The following FOXP2 variants were observed in gnomAD, a reference collection of about 807,000 sequenced individuals.
The protein encoded by FOXP2 is forkhead box P2, also known as forkhead box protein P2.
A neutral mutation model predicts 115.8 loss-of-function variants in FOXP2; 12 were observed. The observed-to-expected ratio is 0.10, with a 90% CI of 0.07 to 0.17. The LOEUF (loss-of-function observed/expected upper bound fraction) is 0.17, where lower values mean the gene tolerates loss of function less well. FOXP2 is among the 10% of genes least tolerant of loss of function. The probability of loss-of-function intolerance (pLI) is 1.00; values close to 1 mark genes in which losing one functional copy is unlikely to be tolerated. For missense variants in FOXP2, 629 were observed against 843.5 expected, an observed-to-expected ratio of 0.75 and a Z score of 3.15; for synonymous variants, 328 against 297.7, an observed-to-expected ratio of 1.10 and a Z score of -1.05.
At chr7:114,390,622 C>T (rs1792571410) in intron 2 of FOXP2, among the ~76,000 whole-genome samples, 1 of 152,022 alleles carries the variant, frequency 6.6e-6, no homozygotes, top group African/African-American at 2.4e-5. Context: ...GGCATGATCA[C>T]TGCTCACTGG....
intron 3 of FOXP2, among the ~76,000 whole-genome samples, chr7:114,586,540 A>G (rs983846480): frequency 9.2e-5 from 14 of 152,094 alleles, no homozygotes; most frequent in Admixed American, 2.6e-4. Flanking sequence ...CAATATTTGC[A>G]TCTTATATAT....
chr7:114,128,492 T>TA (rs1000091316), intron 1 of FOXP2, among the ~76,000 whole-genome samples: 2 of 152,044 alleles, frequency 1.3e-5, no homozygotes, highest in Non-Finnish European at 2.9e-5. Flanking sequence ...TGGCCTTTCT[T>TA]ACATTTTTCA....
At chr7:114,093,971 G>A (rs1799593513) in intron 1 of FOXP2, among the ~76,000 whole-genome samples, 1 of 152,102 alleles carries the variant, frequency 6.6e-6, no homozygotes, top group Non-Finnish European at 1.5e-5. Context: ...TTAAGTGTAT[G>A]TAAATATTTC....
chr7:114,629,708 TG>T, intron 4 of FOXP2, 96 bp from the exon 5 acceptor site: 1 of 1,602,820 alleles, frequency 6.2e-7, no homozygotes. Flanking sequence ...TGAATCTTAA[TG>T]GATACTCTGC....
At chr7:114,311,564 G>C (rs1360376670) in intron 2 of FOXP2, among the ~76,000 whole-genome samples, 1 of 152,126 alleles carries the variant, frequency 6.6e-6, no homozygotes, top group East Asian at 1.9e-4. Flanking sequence ...ACGCCATTTA[G>C]TTATATTCTG....
intron 2 of FOXP2, among the ~76,000 whole-genome samples, chr7:114,441,319 G>T (rs544138532): frequency 9.2e-5 from 14 of 152,158 alleles, no homozygotes; most frequent in African/African-American, 2.6e-4. Context: ...GGGCCTGGTG[G>T]TGCATGCCTG....
At chr7:114,437,474 C>A (rs971113073) in intron 2 of FOXP2, among the ~76,000 whole-genome samples, 1 of 152,030 alleles carries the variant, frequency 6.6e-6, no homozygotes, top group Non-Finnish European at 1.5e-5. Context: ...TTTGCAATAA[C>A]CGATTGCAGT....
chr7:114,525,309 T>C (rs1798807440), intron 2 of FOXP2, among the ~76,000 whole-genome samples: 1 of 152,168 alleles, frequency 6.6e-6, no homozygotes, highest in Non-Finnish European at 1.5e-5. Context: ...GCTTTTAAAA[T>C]ACTTTTAAGT....
intron 16 of FOXP2, among the ~76,000 whole-genome samples, chr7:114,671,025 T>G (rs1021785959): frequency 6.6e-6 from 1 of 152,088 alleles, no homozygotes; most frequent in Admixed American, 6.6e-5. Flanking sequence ...AATTTTTCAG[T>G]CAACTTTATT....
At chr7:114,225,668 G>C (rs1295517383) in intron 1 of FOXP2, among the ~76,000 whole-genome samples, 2 of 151,518 alleles carry the variant, frequency 1.3e-5, no homozygotes, top group Non-Finnish European at 2.9e-5. Context: ...GCTCAGGCTG[G>C]TCTCAAACTC....
At chr7:114,514,719 T>C (rs1798245034) in intron 2 of FOXP2, among the ~76,000 whole-genome samples, 1 of 151,814 alleles carries the variant, frequency 6.6e-6, no homozygotes, top group Non-Finnish European at 1.5e-5. Flanking sequence ...TATTTTCTTT[T>C]TCTATTTTAT....
intron 2 of FOXP2, among the ~76,000 whole-genome samples, chr7:114,481,800 C>A (rs573886644): frequency 1.4e-4 from 21 of 150,042 alleles, no homozygotes; most frequent in African/African-American, 1.2e-4. Flanking sequence ...ATCTATCTAT[C>A]TATCTATCTA....
intron 1 of FOXP2, among the ~76,000 whole-genome samples, chr7:114,214,565 T>C (rs186572651): frequency 6.6e-6 from 1 of 152,310 alleles, no homozygotes; most frequent in Admixed American, 6.5e-5. Flanking sequence ...TAAACTAGTA[T>C]GTTGTATATA....
At chr7:114,473,495 A>T (rs929831043) in intron 2 of FOXP2, among the ~76,000 whole-genome samples, 1 of 152,204 alleles carries the variant, frequency 6.6e-6, no homozygotes, top group Non-Finnish European at 1.5e-5. Flanking sequence ...GTAGATTCAA[A>T]GATCTAGTTT....
At chr7:114,357,446 G>A (rs1246280234) in intron 2 of FOXP2, among the ~76,000 whole-genome samples, 1 of 152,158 alleles carries the variant, frequency 6.6e-6, no homozygotes, top group African/African-American at 2.4e-5. Context: ...TGTCATTGAG[G>A]ATCTGTCCAC....
rs754917583 is a variant in FOXP2 at position 114,677,476 on chromosome 7, AG to A, written c.2004-12305del. On this transcript the variant is annotated intron_variant, in intron 16 of 16. Coordinates refer to ENST00000350908, the MANE Select transcript of FOXP2 (RefSeq NM_014491.4). The stretch of plus-strand genomic sequence containing the variant: ...CTAAAGAAAAATAGGAACGGTTTAT[AG>A]AACCTTTGACTTAGTCTTGAGTAAG... Among the ~76,000 whole-genome samples, 75 of 152,354 alleles carry A rather than the reference AG, an allele frequency of 4.9e-4. No individual in the cohort carries two copies. The Middle Eastern group carries it at 0.017, about 35-fold the overall frequency.
At chr7:114,631,420 C>A in intron 5 of FOXP2, 108 bp from the exon 6 acceptor site, 2 of 1,533,624 alleles carry the variant, frequency 1.3e-6, no homozygotes, top group South Asian at 2.4e-5. Flanking sequence ...TATGGGATGA[C>A]CAAAAAACCC....
chr7:114,658,567 G>A (rs1395657209), intron 11 of FOXP2, among the ~76,000 whole-genome samples: 1 of 152,100 alleles, frequency 6.6e-6, no homozygotes, highest in African/African-American at 2.4e-5. Flanking sequence ...GGGAAGACTA[G>A]CAATCCAACA....
intron 2 of FOXP2, among the ~76,000 whole-genome samples, chr7:114,380,546 T>C (rs1489168345): frequency 6.6e-6 from 1 of 152,218 alleles, no homozygotes; most frequent in Non-Finnish European, 1.5e-5. Context: ...TGGCGTAGTT[T>C]TGAGCAATTA....
Sources: allele counts gnomAD v4.1 joint callset (sites outside exome capture counted in the v4.1 genomes callset), GRCh38; gene constraint gnomAD v4.1.1; transcripts MANE v1.5; gene names NCBI Gene and HGNC (gene_info 2026-07-23, HGNC 2026-07-21).